The following TTLL2 variants were observed in gnomAD, a reference collection of about 807,000 sequenced individuals.
TTLL2 encodes the protein probable tubulin polyglutamylase TTLL2.
A neutral mutation model predicts 7.5 loss-of-function variants in TTLL2; 10 were observed. The observed-to-expected ratio is 1.33, with a 90% CI of 0.82 to 2.25. TTLL2 has a LOEUF of 2.25. TTLL2 is among the 30% of genes most tolerant of loss of function. The pLI is 0.00. For synonymous variants in TTLL2, 284 were observed against 280.3 expected (o/e 1.01, Z -0.13); for missense variants, 733 against 735.7 (o/e 1.00, Z 0.04).
intron 1 of TTLL2, among the ~76,000 whole-genome samples, chr6:167,336,018 G>T (rs1778980149): frequency 6.6e-6 from 1 of 151,678 alleles, no homozygotes; most frequent in Admixed American, 6.6e-5. Flanking sequence ...ATTTAATAGA[G>T]TAGAGACCAC....
intron 1 of TTLL2, among the ~76,000 whole-genome samples, chr6:167,336,004 T>C (rs571428617): frequency 2.0e-5 from 3 of 151,452 alleles, no homozygotes; most frequent in Non-Finnish European, 4.4e-5. Context: ...AAAAAAGAAA[T>C]TCAATTTAAT....
At chr6:167,330,564 C>A (rs1452003727) in intron 1 of TTLL2, among the ~76,000 whole-genome samples, 2 of 132,246 alleles carry the variant, frequency 1.5e-5, no homozygotes, top group Admixed American at 7.4e-5. Context: ...CATCTCACAA[C>A]AACAAAAAAA....
Position 167,342,133 on chromosome 6 carries a change from A to ACAAT in TTLL2, c.*457_*460dup, listed in dbSNP as rs771332928. Among the ~76,000 whole-genome samples the ACAAT allele has an allele frequency of 6.6e-6, 1 of 152,240 alleles. No homozygotes were observed. The highest frequency in any genetic ancestry group is 1.5e-5 in the Non-Finnish European group (1 of 68,044). ...AATTATTTTGTTAACTTAAGATCAGACAATCATTCAGAGTGAGATAAATCA... is the reference window on the plus strand; with the variant it reads ...AATTATTTTGTTAACTTAAGATCAGACAATCAATCATTCAGAGTGAGATAAATCA... On this transcript the variant is annotated 3_prime_UTR_variant, in exon 3 of 3. Coordinates refer to ENST00000239587, the MANE Select transcript of TTLL2 (RefSeq NM_031949.5).
At chr6:167,334,209 T>C in intron 1 of TTLL2, among the ~76,000 whole-genome samples, 1 of 147,614 alleles carries the variant, frequency 6.8e-6, no homozygotes, top group South Asian at 2.2e-4. Context: ...TACCCAGTAG[T>C]CATTCAGGAG....
intron 1 of TTLL2, among the ~76,000 whole-genome samples, chr6:167,333,224 G>T (rs1385254294): frequency 9.5e-6 from 1 of 105,532 alleles, no homozygotes; most frequent in Non-Finnish European, 1.8e-5. Context: ...CTTTGGCTCT[G>T]TTTATATGCT....
At chr6:167,326,518 A>G (rs771008315) in intron 1 of TTLL2, among the ~76,000 whole-genome samples, 5 of 152,086 alleles carry the variant, frequency 3.3e-5, no homozygotes, top group Non-Finnish European at 5.9e-5. Flanking sequence ...AGGGTGACTG[A>G]TCTCCACAAA....
At chr6:167,337,769 G>A (rs1014954014) in intron 1 of TTLL2, among the ~76,000 whole-genome samples, 3 of 148,924 alleles carry the variant, frequency 2.0e-5, no homozygotes, top group African/African-American at 7.5e-5. Flanking sequence ...ACACACACAT[G>A]CACACACACA....
At position 167,340,661 on chromosome 6, in the gene TTLL2, G is replaced by T. The variant is rs778962035; in HGVS notation, c.761G>T (p.Cys254Phe). The T allele has an allele frequency of 1.9e-6, 3 of 1,614,106 alleles. No homozygotes were observed. Among genetic ancestry groups the T allele is most frequent in the Admixed American group, 1.7e-5 (1 of 60,026 alleles). ...SNPLLIGRYK[C>F]DLRIYVCVTG... is the part of the protein sequence containing the mutation. The stretch of plus-strand genomic sequence containing the variant: ...CCTTTACTTATTGGCAGATATAAAT[G>T]TGATCTCCGCATCTATGTTTGTGTT... Residue 254 changes from cysteine (C) to phenylalanine (F), a missense_variant, in exon 3 of 3, where the codon TGT (cysteine) becomes TTT (phenylalanine). By Grantham distance (205) the Cys-to-Phe change is radical. Coordinates refer to ENST00000239587, the MANE Select transcript of TTLL2 (RefSeq NM_031949.5).
chr6:167,340,829 A>C lies in TTLL2; in HGVS notation c.929A>C (p.Glu310Ala). 1 of 1,614,188 alleles carries C rather than the reference A, an allele frequency of 6.2e-7. No individual in the cohort carries two copies. The highest frequency in any genetic ancestry group is 8.5e-7 in the Non-Finnish European group (1 of 1,180,040). The change falls in exon 3 of 3, where the codon GAG (glutamate) becomes GCG (alanine). Residue 310 changes from glutamate (E) to alanine (A), a missense_variant. By Grantham distance (107) the Glu-to-Ala change is moderately radical (BLOSUM62 -1). Coordinates refer to ENST00000239587, the MANE Select transcript of TTLL2 (RefSeq NM_031949.5). ...ATCAATAAATCCGGGGCCTCTTATG[A>C]GAAGATCAAAGAAGTGATTGGTCAT... is the stretch of plus-strand genomic sequence containing the variant. ...SSINKSGASY[E>A]KIKEVIGHGC...
chr6:167,329,715 C>G (rs529047876), intron 1 of TTLL2, among the ~76,000 whole-genome samples: 96 of 152,186 alleles, frequency 6.3e-4, no homozygotes, highest in Admixed American at 1.7e-3. Context: ...TAAATGGATG[C>G]CTTCAGGGCC....
Position 167,342,008 on chromosome 6 carries a change from T to C in TTLL2, c.*329T>C, listed in dbSNP as rs1415723807. 5.4e-5 allele frequency: 11 copies of C among 204,958 alleles called. No individual in the cohort carries two copies. In the South Asian group the frequency reaches 8.5e-4, roughly 16 times the overall value. 12.7% of individuals were successfully genotyped at this position (204,958 alleles called of 1,614,324 possible). On this transcript the variant is annotated 3_prime_UTR_variant, in exon 3 of 3. Coordinates refer to ENST00000239587, the MANE Select transcript of TTLL2 (RefSeq NM_031949.5). Reference sequence around the variant, plus strand: ...GTATTTAAAGAGGAGAAAAAGATTATTCTAATATTTTTAAAGGATTATTAG... The same window carrying C: ...GTATTTAAAGAGGAGAAAAAGATTACTCTAATATTTTTAAAGGATTATTAG...
At position 167,340,182 on chromosome 6, in the gene TTLL2, C is replaced by T. The variant is rs1426916489; in HGVS notation, c.282C>T (p.Thr94=). The change falls in exon 3 of 3, where the codon ACC becomes ACT. Residue 94 remains threonine (T), a synonymous_variant. Transcript: ENST00000239587. ...CGCTGGTTTTTCGCGTTGACGAGAC[C>T]ACCCCGGCTGTGGTGCAAAGCGTCC... ...LKPLVFRVDE[T]TPAVVQSVLL... is the part of the protein sequence containing the mutation. 2 of 1,613,236 alleles carry T rather than the reference C, an allele frequency of 1.2e-6. No individual in the cohort carries two copies. The highest frequency in any genetic ancestry group is 2.2e-5 in the East Asian group (1 of 44,878).
At chr6:167,339,780 G>T (rs541901725) in intron 2 of TTLL2, among the ~76,000 whole-genome samples, 1 of 152,192 alleles carries the variant, frequency 6.6e-6, no homozygotes. Flanking sequence ...AGGACGGGCC[G>T]CAGATATGGG....
At chr6:167,325,381 C>T (rs1318034213) in intron 1 of TTLL2, among the ~76,000 whole-genome samples, 161 bp downstream of exon 1, 1 of 152,212 alleles carries the variant, frequency 6.6e-6, no homozygotes, top group Non-Finnish European at 1.5e-5. Context: ...CTTCATACTC[C>T]TTCAAGGGAA....
intron 1 of TTLL2, among the ~76,000 whole-genome samples, chr6:167,330,198 C>A (rs957252774): frequency 6.6e-6 from 1 of 152,134 alleles, no homozygotes; most frequent in African/African-American, 2.4e-5. Flanking sequence ...TAGATATGAG[C>A]AATGGAATGG....
At position 167,340,213 on chromosome 6, in the gene TTLL2, G is replaced by A. The variant is rs147083310; in HGVS notation, c.313G>A (p.Glu105Lys). 3.1e-6 allele frequency: 5 copies of A among 1,614,000 alleles called. No individual in the cohort carries two copies. The highest frequency in any genetic ancestry group is 4.2e-6 in the Non-Finnish European group (5 of 1,180,032). Residue 105 changes from glutamate (E) to lysine (K), a missense_variant, in exon 3 of 3, where the codon GAG becomes AAG. Coordinates refer to ENST00000239587, the MANE Select transcript of TTLL2 (RefSeq NM_031949.5). ...GGCTGTGGTGCAAAGCGTCCTCCTG[G>A]AGAGGGGGTGGAATAAGTTTGATAA... ...TPAVVQSVLL[E>K]RGWNKFDKQE... is the part of the protein sequence containing the mutation.
chr6:167,325,195 T>C lies in TTLL2; in HGVS notation c.22T>C (p.Ser8Pro). 6.3e-7 allele frequency: 1 copy of C among 1,578,506 alleles called. No individual in the cohort carries two copies. Among genetic ancestry groups the C allele is most frequent in the African/African-American group, 1.4e-5 (1 of 73,886 alleles). Residue 8 changes from serine (S) to proline (P), a missense_variant, in exon 1 of 3, where the codon TCC (serine) becomes CCC (proline). By Grantham distance (74) the Ser-to-Pro change is moderately conservative. Coordinates refer to ENST00000239587, the MANE Select transcript of TTLL2 (RefSeq NM_031949.5). ...CCCAATGAGAGGGCGGGACCTGTGT[T>C]CCTCCACACAAAGCCAGGCGCTGGG... MRGRDLCSSTQSQALGSL... is the reference protein window; with the variant it reads MRGRDLCPSTQSQALGSL...
chr6:167,336,299 G>A (rs1238777193), intron 1 of TTLL2, among the ~76,000 whole-genome samples: 4 of 151,786 alleles, frequency 2.6e-5, no homozygotes, highest in African/African-American at 7.3e-5. Flanking sequence ...CCACATCCTC[G>A]CCAGCCAGCC....
At chr6:167,329,739 G>A (rs867716082) in intron 1 of TTLL2, among the ~76,000 whole-genome samples, 1 of 152,130 alleles carries the variant, frequency 6.6e-6, no homozygotes, top group African/African-American at 2.4e-5. Context: ...CCAGGACCCA[G>A]CCTCTGCAAT....
Sources: allele counts gnomAD v4.1 joint callset (sites outside exome capture counted in the v4.1 genomes callset), GRCh38; gene constraint gnomAD v4.1.1; transcripts MANE v1.5; gene names NCBI Gene and HGNC (gene_info 2026-07-23, HGNC 2026-07-21).